Variants in CREB3L2 observed in about 807,000 individuals in gnomAD.
CREB3L2 encodes cyclic AMP-responsive element-binding protein 3-like protein 2.
In CREB3L2, 23 loss-of-function variants were observed where a neutral mutation model predicts 57.2. That is an observed-to-expected ratio of 0.40 (90% CI 0.29 to 0.57). The LOEUF (loss-of-function observed/expected upper bound fraction) is 0.57, where lower values mean the gene tolerates loss of function less well. Ranked by LOEUF, CREB3L2 falls within the 20% of genes least tolerant of loss-of-function variation. The pLI is 0.42. For missense variants in CREB3L2, 628 were observed against 634.7 expected (o/e 0.99, Z 0.11); for synonymous variants, 268 against 265.1 (o/e 1.01, Z -0.11).
intron 1 of CREB3L2, among the ~76,000 whole-genome samples, chr7:137,954,338 C>T (rs1289678052): frequency 6.6e-6 from 1 of 152,134 alleles, no homozygotes; most frequent in East Asian, 1.9e-4. Flanking sequence ...CTTACAAATA[C>T]TCTTGCTCTT....
chr7:137,922,419 T>TATATATATATATATATAC (rs1800332688), intron 2 of CREB3L2, among the ~76,000 whole-genome samples: 1 of 101,110 alleles, frequency 9.9e-6, no homozygotes, highest in Non-Finnish European at 1.7e-5. Flanking sequence ...TATATATGTA[T>TATATATATATATATATAC]ATATATATAT....
At position 137,878,940 on chromosome 7, in the gene CREB3L2, G is replaced by A. The variant is rs549873670; in HGVS notation, c.*1536C>T. On this transcript the variant is annotated 3_prime_UTR_variant, in exon 12 of 12. Coordinates refer to ENST00000330387, the MANE Select transcript of CREB3L2 (RefSeq NM_194071.4). The stretch of plus-strand genomic sequence containing the variant: ...GTGGGTGGTGGGGGGAGAGAGAGAA[G>A]GAGAGACAGAGAGAGAGAGGGAGAG... The A allele has an allele frequency of 1.0e-4, 41 of 409,132 alleles. No individual in the cohort carries two copies. Among genetic ancestry groups the A allele is most frequent in the Middle Eastern group, 7.4e-4 (1 of 1,360 alleles). The allele number at this position is 409,132 out of a possible 1,614,324, so 25.3% of individuals were successfully genotyped here. A position where few individuals can be genotyped will look rare whatever the true frequency, so the allele number is the denominator to read the frequency against.
chr7:137,953,581 T>C (rs1801145229), intron 1 of CREB3L2: 1 of 1,145,648 alleles, frequency 8.7e-7, no homozygotes, highest in South Asian at 1.3e-5. Context: ...TCTCAGAATG[T>C]GACTCTAGAG....
intron 1 of CREB3L2, among the ~76,000 whole-genome samples, chr7:137,969,791 C>CACACATACACATACACAT (rs141056660): frequency 6.7e-6 from 1 of 148,564 alleles, no homozygotes; most frequent in Non-Finnish European, 1.5e-5. Flanking sequence ...CACACACACA[C>CACACATACACATACACAT]ACAACATACA....
Position 137,905,799 on chromosome 7 carries a change from G to A in CREB3L2, c.818C>T (p.Thr273Ile). The stretch of plus-strand genomic sequence containing the variant: ...GATGGGATAGCCCTCAGCGATCAGG[G>A]TCCTCTTCTCCTCCTCTGTCAGGAC... ...PLVLTEEEKR[T>I]LIAEGYPIPT... Residue 273 changes from threonine (T) to isoleucine (I), a missense_variant, in exon 6 of 12, where the codon ACC becomes ATC. Physicochemically the swap from Thr to Ile is moderately conservative, Grantham distance 89. Around this residue, in one of 3 missense-constraint regions of CREB3L2, gnomAD observed 339 missense variants for 355.4 expected, o/e 0.95. Transcript: ENST00000330387. 2.5e-6 allele frequency: 4 copies of A among 1,614,078 alleles called. No homozygotes were observed. Among genetic ancestry groups the A allele is most frequent in the Non-Finnish European group, 3.4e-6 (4 of 1,179,964 alleles).
chr7:137,968,798 T>C (rs1801452429), intron 1 of CREB3L2, among the ~76,000 whole-genome samples: 1 of 152,116 alleles, frequency 6.6e-6, no homozygotes, highest in South Asian at 2.1e-4. Context: ...AACTCATAAA[T>C]GAATCCAATT....
intron 1 of CREB3L2, among the ~76,000 whole-genome samples, chr7:137,929,210 C>G (rs992357606): frequency 6.6e-6 from 1 of 152,156 alleles, no homozygotes; most frequent in Non-Finnish European, 1.5e-5. Context: ...TATAAATTCC[C>G]CGGGATTCCC....
chr7:137,930,464 T>C (rs938443930), intron 1 of CREB3L2, among the ~76,000 whole-genome samples: 8 of 152,220 alleles, frequency 5.3e-5, no homozygotes, highest in Non-Finnish European at 1.2e-4. Flanking sequence ...GAAGGCGTTA[T>C]GAAAATGAAC....
chr7:137,996,157 CT>C (rs1190539486), intron 1 of CREB3L2, among the ~76,000 whole-genome samples: 4 of 152,228 alleles, frequency 2.6e-5, no homozygotes, highest in African/African-American at 9.6e-5. Flanking sequence ...GAGATTCACC[CT>C]TTTGACCTGA....
At chr7:137,984,600 A>C (rs1383810091) in intron 1 of CREB3L2, among the ~76,000 whole-genome samples, 1 of 152,220 alleles carries the variant, frequency 6.6e-6, no homozygotes, top group Non-Finnish European at 1.5e-5. Flanking sequence ...TTACATGTTT[A>C]AATTACCAAA....
intron 8 of CREB3L2, among the ~76,000 whole-genome samples, chr7:137,893,591 A>G (rs1460663842): frequency 1.3e-5 from 2 of 151,864 alleles, no homozygotes; most frequent in Non-Finnish European, 2.9e-5. Flanking sequence ...TAGTGCAAAC[A>G]GACACAGCTG....
intron 1 of CREB3L2, among the ~76,000 whole-genome samples, chr7:137,954,403 G>T (rs1406976821): frequency 6.6e-6 from 1 of 152,206 alleles, no homozygotes; most frequent in Admixed American, 6.5e-5. Context: ...CAGGCAGGGG[G>T]CAGGGGGCTA....
chr7:137,922,383 T>TAC (rs375121368), intron 2 of CREB3L2, among the ~76,000 whole-genome samples: 4 of 15,218 alleles, frequency 2.6e-4, no homozygotes, highest in African/African-American at 4.9e-4. Context: ...TATATATATA[T>TAC]GTATATATAT....
intron 11 of CREB3L2, among the ~76,000 whole-genome samples, chr7:137,882,004 C>T (rs192429274): frequency 6.6e-6 from 1 of 152,252 alleles, no homozygotes; most frequent in East Asian, 1.9e-4. Flanking sequence ...ACATATAGCA[C>T]AATATATATC....
chr7:137,996,057 A>G (rs750886533), intron 1 of CREB3L2, among the ~76,000 whole-genome samples: 13 of 152,258 alleles, frequency 8.5e-5, no homozygotes, highest in Non-Finnish European at 1.5e-5. Flanking sequence ...GAGCCACATT[A>G]TGAAATAATG....
intron 1 of CREB3L2, among the ~76,000 whole-genome samples, chr7:137,994,263 G>A (rs1801947767): frequency 6.6e-6 from 1 of 152,234 alleles, no homozygotes; most frequent in Admixed American, 6.5e-5. Flanking sequence ...ATGTCAGGCT[G>A]AGGCCGGCAG....
intron 3 of CREB3L2, among the ~76,000 whole-genome samples, 163 bp downstream of exon 3, chr7:137,915,674 C>A (rs748429033): frequency 9.9e-5 from 15 of 152,150 alleles, no homozygotes; most frequent in Admixed American, 2.0e-4. Flanking sequence ...AATCAACATA[C>A]CCTTATTAAA....
At chr7:137,914,943 G>A (rs995607104) in intron 3 of CREB3L2, among the ~76,000 whole-genome samples, 1 of 151,968 alleles carries the variant, frequency 6.6e-6, no homozygotes, top group South Asian at 2.1e-4. Flanking sequence ...GCCCAAGCTG[G>A]AGTGCAGTGC....
intron 1 of CREB3L2, among the ~76,000 whole-genome samples, chr7:137,949,340 T>C (rs572469010): frequency 3.1e-4 from 47 of 152,286 alleles, no homozygotes; most frequent in Admixed American, 7.8e-4. Context: ...ACTGTGTCGT[T>C]GTAAGGTGTA....
Sources: allele counts gnomAD v4.1 joint callset (sites outside exome capture counted in the v4.1 genomes callset), GRCh38; gene constraint gnomAD v4.1.1; regional missense constraint gnomAD v4.1.1; transcripts MANE v1.5; gene names NCBI Gene and HGNC (gene_info 2026-07-23, HGNC 2026-07-21).